Variants in SEC13 observed in about 807,000 individuals in gnomAD.
The protein encoded by SEC13 is SEC13 homolog, nuclear pore and COPII component, also known as protein SEC13 homolog.
A neutral mutation model predicts 49.2 loss-of-function variants in SEC13; 25 were observed. That is an observed-to-expected ratio of 0.51 (90% CI 0.37 to 0.71). The LOEUF is 0.71. Ranked by LOEUF, SEC13 falls within the 30% of genes least tolerant of loss-of-function variation. SEC13 has a pLI of 0.00. For synonymous variants in SEC13, 148 were observed against 163.9 expected (o/e 0.90, Z 0.74); for missense variants, 383 against 417.6 (o/e 0.92, Z 0.72).
chr3:10,303,336 T>C (rs952955589), intron 8 of SEC13, among the ~76,000 whole-genome samples: 1 of 152,240 alleles, frequency 6.6e-6, no homozygotes, highest in African/African-American at 2.4e-5. Context: ...GCGTTAGAGA[T>C]CCTCTGTCTT....
In SEC13 at chr3:10,304,092, A is replaced by T. The variant is rs748369448; in HGVS notation, c.789T>A (p.Asp263Glu). ...TGGACCAGCTCACATGCCACACCAC[A>T]TCGTTGAACTTGTGCAACAATTTAG... ...WSPKLLHKFN[D>E]VVWHVSWSIT... The change falls in exon 8 of 9, where the codon GAT becomes GAA. Residue 263 changes from aspartate to glutamate, a missense_variant. By Grantham distance (45) the Asp-to-Glu change is conservative. Transcript: ENST00000350697. 1 of 1,614,104 alleles carries T rather than the reference A, an allele frequency of 6.2e-7. No individual in the cohort carries two copies. The highest frequency in any genetic ancestry group is 8.5e-7 in the Non-Finnish European group (1 of 1,180,038).
Position 10,301,043 on chromosome 3 carries a change from T to A in SEC13, c.*218A>T. On this transcript the variant is annotated 3_prime_UTR_variant, in exon 9 of 9. Transcript: ENST00000350697. ...AAATAGATTTGAACATCACTTGTAG[T>A]TTCTTCCTCGTAACATGAGTGCTTT... is the stretch of plus-strand genomic sequence containing the variant. 6.3e-7 allele frequency: 1 copy of A among 1,590,236 alleles called. No individual in the cohort carries two copies. The highest frequency in any genetic ancestry group is 8.6e-7 in the Non-Finnish European group (1 of 1,164,526).
At chr3:10,313,752 T>C in intron 3 of SEC13, 1 of 182,050 alleles carries the variant, frequency 5.5e-6, no homozygotes, top group Non-Finnish European at 1.2e-5. Context: ...ATCCTTTGAA[T>C]GTAAGAAAAA....
chr3:10,305,119 G>A lies in SEC13; in HGVS notation c.622C>T (p.Leu208=). Residue 208 remains leucine, a synonymous_variant, in exon 7 of 9, where the codon CTA becomes TTA. Transcript: ENST00000350697. The part of the protein sequence containing the change: ...EDGQWKEEQK[L]EAHSDWVRDV... The stretch of plus-strand genomic sequence containing the variant: ...CGAACCCAGTCACTGTGCGCTTCTA[G>A]CTTCTGCTCCTCCTTCCACTGGCCG... 1.2e-6 allele frequency: 2 copies of A among 1,614,012 alleles called. No homozygotes were observed. Among genetic ancestry groups the A allele is most frequent in the Non-Finnish European group, 1.7e-6 (2 of 1,179,960 alleles).
intron 7 of SEC13, among the ~76,000 whole-genome samples, chr3:10,304,657 T>G (rs561845502): frequency 6.6e-6 from 1 of 152,290 alleles, no homozygotes; most frequent in African/African-American, 2.4e-5. Flanking sequence ...TGGCCGTCCT[T>G]GCTGTCTGGG....
At chr3:10,309,164 C>T (rs1419537774) in intron 5 of SEC13, among the ~76,000 whole-genome samples, 1 of 151,920 alleles carries the variant, frequency 6.6e-6, no homozygotes, top group Non-Finnish European at 1.5e-5. Context: ...TCTTAAACTC[C>T]TGACTTCAGG....
intron 8 of SEC13, among the ~76,000 whole-genome samples, chr3:10,301,655 C>A (rs1700526777): frequency 6.6e-6 from 1 of 152,248 alleles, no homozygotes; most frequent in Admixed American, 6.5e-5. Context: ...TATGGGGTGG[C>A]GGGGAGCAGG....
rs1700465214 is a variant in SEC13 at position 10,301,027 on chromosome 3, T to G, written c.*234A>C. The G allele has an allele frequency of 1.9e-6, 3 of 1,543,318 alleles. No individual in the cohort carries two copies. Among genetic ancestry groups the G allele is most frequent in the Non-Finnish European group, 2.7e-6 (3 of 1,128,388 alleles). The stretch of plus-strand genomic sequence containing the variant: ...ACATAAAAATGACCCAAAATAGATT[T>G]GAACATCACTTGTAGTTTCTTCCTC... On this transcript the variant is annotated 3_prime_UTR_variant, in exon 9 of 9. Coordinates refer to ENST00000350697, the MANE Select transcript of SEC13 (RefSeq NM_183352.3).
chr3:10,312,338 G>A (rs1372337546), intron 4 of SEC13, among the ~76,000 whole-genome samples: 2 of 152,172 alleles, frequency 1.3e-5, no homozygotes, highest in South Asian at 2.1e-4. Context: ...TGAGAATGAA[G>A]GGTAGTCCTT....
chr3:10,303,389 C>T (rs1176022197), intron 8 of SEC13, among the ~76,000 whole-genome samples: 1 of 152,228 alleles, frequency 6.6e-6, no homozygotes, highest in Non-Finnish European at 1.5e-5. Flanking sequence ...CTTGTTACTG[C>T]TTCCTTTCTG....
chr3:10,309,932 C>T (rs1701145392), intron 5 of SEC13, among the ~76,000 whole-genome samples: 1 of 152,196 alleles, frequency 6.6e-6, no homozygotes, highest in African/African-American at 2.4e-5. Context: ...CCACATTGGT[C>T]TACATCTCAT....
intron 8 of SEC13, among the ~76,000 whole-genome samples, chr3:10,302,779 G>T (rs1280775399): frequency 6.6e-6 from 1 of 152,234 alleles, no homozygotes; most frequent in Non-Finnish European, 1.5e-5. Context: ...GGTGGCAGCA[G>T]CCCAGGTGCC....
intron 8 of SEC13, among the ~76,000 whole-genome samples, chr3:10,303,117 G>C (rs922017254): frequency 6.6e-6 from 1 of 152,206 alleles, no homozygotes; most frequent in Non-Finnish European, 1.5e-5. Flanking sequence ...CTGCTTCTCT[G>C]CCTTGCCTGT....
chr3:10,318,111 C>T lies in SEC13; in HGVS notation c.4-17G>A. ...TACTGACACCTAGAACCAAAGATAT[C>T]ACTGGTAAATTAACTCATGGCAGTT... On this transcript the variant is annotated splice_polypyrimidine_tract_variant and intron_variant, in intron 1 of 8. Coordinates refer to ENST00000350697, the MANE Select transcript of SEC13 (RefSeq NM_183352.3). The T allele has an allele frequency of 6.3e-7, 1 of 1,579,466 alleles. No individual in the cohort carries two copies. The highest frequency in any genetic ancestry group is 8.7e-7 in the Non-Finnish European group (1 of 1,148,834).
At chr3:10,302,232 G>A (rs987943713) in intron 8 of SEC13, among the ~76,000 whole-genome samples, 1 of 152,028 alleles carries the variant, frequency 6.6e-6, no homozygotes. Context: ...AGCGAGACTC[G>A]ATCTCAAAAA....
intron 8 of SEC13, among the ~76,000 whole-genome samples, chr3:10,302,343 C>CAAACT (rs754563735): frequency 2.0e-5 from 3 of 152,186 alleles, no homozygotes; most frequent in Admixed American, 6.5e-5. Context: ...GCTTTAGGGA[C>CAAACT]AAACTATTCA....
At position 10,304,139 on chromosome 3, in the gene SEC13, C is replaced by T. The variant is rs114038481; in HGVS notation, c.742G>A (p.Ala248Thr). Residue 248 changes from alanine to threonine, a missense_variant, in exon 8 of 9, where the codon GCC (alanine) becomes ACC (threonine). Transcript: ENST00000350697. ...TTAGGGGACCACGTATTGCTTGAGG[C>T]ATCATCACAGGTCCAAATGAACACA... ...GRVFIWTCDD[A>T]SSNTWSPKLL... The T allele has an allele frequency of 7.4e-6, 12 of 1,614,032 alleles. No individual in the cohort carries two copies. The East Asian group carries it at 1.8e-4, about 24-fold the overall frequency.
In SEC13 at chr3:10,305,553, A is replaced by G; in HGVS notation, c.584+6T>C. 6.2e-7 allele frequency: 1 copy of G among 1,613,536 alleles called. No individual in the cohort carries two copies. Among genetic ancestry groups the G allele is most frequent in the African/African-American group, 1.3e-5 (1 of 75,048 alleles). ...CTCAAAGAGAAGGCCACACATCCCT[A>G]CTTACTTCCACAGCTTGATGAGGTT... On this transcript the variant is annotated splice_donor_region_variant and intron_variant, in intron 6 of 8. Transcript: ENST00000350697.
intron 8 of SEC13, among the ~76,000 whole-genome samples, chr3:10,302,500 C>T (rs1700601047): frequency 6.6e-6 from 1 of 152,218 alleles, no homozygotes; most frequent in Non-Finnish European, 1.5e-5. Flanking sequence ...ACTGCGTGCA[C>T]AGCCAGGCAC....
Sources: gnomAD v4.1 joint callset for allele counts (sites outside exome capture counted in the v4.1 genomes callset) on GRCh38, gnomAD v4.1.1 for gene constraint, MANE v1.5 for transcripts, NCBI Gene and HGNC (gene_info 2026-07-23, HGNC 2026-07-21) for gene names.